The following GRIK2 variants were observed in gnomAD, a reference collection of about 807,000 sequenced individuals.
The protein encoded by GRIK2 is glutamate ionotropic receptor kainate type subunit 2.
Under a neutral mutation model 100.3 loss-of-function variants are expected in GRIK2, and 32 were observed. The observed-to-expected ratio is 0.32, with a 90% CI of 0.24 to 0.43. The LOEUF (loss-of-function observed/expected upper bound fraction) is 0.43, where lower values mean the gene tolerates loss of function less well. Among genes scored for constraint, GRIK2 ranks in the 20% least tolerant of loss-of-function variants. GRIK2 has a pLI of 1.00. For missense variants in GRIK2, 843 were observed against 1,114.9 expected (o/e 0.76, Z 3.47); for synonymous variants, 417 against 389.4 (o/e 1.07, Z -0.83).
intron 10 of GRIK2, among the ~76,000 whole-genome samples, chr6:101,819,736 C>T (rs1328037141): frequency 6.6e-6 from 1 of 152,134 alleles, no homozygotes; most frequent in Non-Finnish European, 1.5e-5. Context: ...GGGACTATTG[C>T]AGTAGCCACG....
chr6:101,580,635 C>A (rs1006606642), intron 2 of GRIK2, among the ~76,000 whole-genome samples: 7 of 152,106 alleles, frequency 4.6e-5, no homozygotes, highest in Admixed American at 3.3e-4. Flanking sequence ...AAAATCCCAA[C>A]AAGCACCTCT....
At chr6:101,835,063 C>T (rs1782978951) in intron 10 of GRIK2, among the ~76,000 whole-genome samples, 1 of 152,108 alleles carries the variant, frequency 6.6e-6, no homozygotes. Flanking sequence ...TGTCCCTTAA[C>T]TTGACTAGTG....
rs141387269 is a variant in GRIK2, at chr6:101,661,258, G to A, written c.542-15365G>A. On this transcript the variant is annotated intron_variant, in intron 4 of 16. Transcript: ENST00000369134. The stretch of plus-strand genomic sequence containing the variant: ...CTCCAGCCAGTTCAAACTTCTCAGC[G>A]GCTTTGTTTACACTGTGAGGGGAAA... 4.6e-4 allele frequency among the ~76,000 whole-genome samples: 70 copies of A among 152,204 alleles called. No homozygotes were observed. In the East Asian group the frequency reaches 0.012, roughly 27 times the overall value.
Position 101,860,880 on chromosome 6 carries a change from A to G in GRIK2, c.1524+1387A>G, listed in dbSNP as rs1784696925. Reference sequence around the variant, plus strand: ...TTTTAGGGGCTTTGGATTTATTTTTATTTCTCAGATATTAGGAGAAAGTGA... The same window carrying G: ...TTTTAGGGGCTTTGGATTTATTTTTGTTTCTCAGATATTAGGAGAAAGTGA... On this transcript the variant is annotated intron_variant, in intron 11 of 16. Transcript: ENST00000369134. 8 of 738,890 alleles carry G rather than the reference A, an allele frequency of 1.1e-5. No homozygotes were observed. In the South Asian group the frequency reaches 3.7e-4, roughly 34 times the overall value. The allele number at this position is 738,890 out of a possible 1,614,324, so 45.8% of individuals were successfully genotyped here. A position where few individuals can be genotyped will look rare whatever the true frequency, so the allele number is the denominator to read the frequency against.
intron 2 of GRIK2, among the ~76,000 whole-genome samples, chr6:101,426,710 T>C (rs1157017270): frequency 3.3e-5 from 5 of 152,198 alleles, no homozygotes; most frequent in African/African-American, 1.2e-4. Context: ...TTCTAATCTA[T>C]CCTATGCACT....
chr6:101,790,700 A>G (rs1435416370), intron 7 of GRIK2, among the ~76,000 whole-genome samples: 1 of 150,500 alleles, frequency 6.6e-6, no homozygotes, highest in Non-Finnish European at 1.5e-5. Flanking sequence ...CGGCTTTGGT[A>G]TCAGGATGAT....
intron 14 of GRIK2, among the ~76,000 whole-genome samples, chr6:101,981,435 T>A (rs1275589400): frequency 1.3e-5 from 2 of 151,830 alleles, no homozygotes; most frequent in Non-Finnish European, 2.9e-5. Flanking sequence ...ATCATCTTCA[T>A]CATTCAGCCC....
intron 4 of GRIK2, among the ~76,000 whole-genome samples, chr6:101,657,236 T>A (rs1769257322): frequency 6.6e-6 from 1 of 152,204 alleles, no homozygotes; most frequent in Admixed American, 6.5e-5. Context: ...GTACTTTGCC[T>A]TATGGTGTTC....
At chr6:101,447,295 A>G (rs1236979913) in intron 2 of GRIK2, among the ~76,000 whole-genome samples, 1 of 151,542 alleles carries the variant, frequency 6.6e-6, no homozygotes, top group African/African-American at 2.4e-5. Flanking sequence ...ACAAATTTCC[A>G]TGGGGAACCT....
At chr6:101,947,071 G>A (rs758367930) in intron 14 of GRIK2, among the ~76,000 whole-genome samples, 21 of 152,090 alleles carry the variant, frequency 1.4e-4, no homozygotes, top group Non-Finnish European at 2.6e-4. Context: ...AATAATTTAC[G>A]ATTATAATTT....
At chr6:102,018,110 G>T (rs1305577167) in intron 14 of GRIK2, among the ~76,000 whole-genome samples, 2 of 152,070 alleles carry the variant, frequency 1.3e-5, no homozygotes, top group African/African-American at 4.8e-5. Context: ...CAGACATGAG[G>T]TACTAAATGT....
At chr6:101,427,063 A>T (rs1033756171) in intron 2 of GRIK2, among the ~76,000 whole-genome samples, 1 of 152,144 alleles carries the variant, frequency 6.6e-6, no homozygotes, top group East Asian at 1.9e-4. Flanking sequence ...TAATTGTGAG[A>T]GGCCCCATGA....
At chr6:101,396,735 G>A (rs1775024786) in intron 1 of GRIK2, among the ~76,000 whole-genome samples, 1 of 152,136 alleles carries the variant, frequency 6.6e-6, no homozygotes, top group Non-Finnish European at 1.5e-5. Flanking sequence ...AATAATGAAT[G>A]CCAGGAGCGC....
At chr6:101,714,862 T>C (rs971184341) in intron 7 of GRIK2, among the ~76,000 whole-genome samples, 4 of 151,778 alleles carry the variant, frequency 2.6e-5, no homozygotes, top group African/African-American at 9.7e-5. Context: ...AACAAATTAT[T>C]ATGATATTGA....
intron 10 of GRIK2, among the ~76,000 whole-genome samples, chr6:101,836,555 T>A (rs1293700521): frequency 6.7e-6 from 1 of 150,064 alleles, no homozygotes; most frequent in Non-Finnish European, 1.5e-5. Flanking sequence ...TTTAAAAATA[T>A]GGTTATTAGC....
chr6:101,925,291 T>C (rs1041614031), intron 13 of GRIK2, among the ~76,000 whole-genome samples: 3 of 152,098 alleles, frequency 2.0e-5, no homozygotes, highest in Non-Finnish European at 2.9e-5. Context: ...AAAATACTTT[T>C]TCGTAATTAT....
At chr6:101,533,623 A>G (rs1027128891) in intron 2 of GRIK2, among the ~76,000 whole-genome samples, 21 of 151,982 alleles carry the variant, frequency 1.4e-4, no homozygotes, top group African/African-American at 4.6e-4. Flanking sequence ...CTTTTGATGT[A>G]GCTGAGATGT....
chr6:101,939,826 T>G (rs1343200478), intron 14 of GRIK2, among the ~76,000 whole-genome samples: 1 of 152,104 alleles, frequency 6.6e-6, no homozygotes, highest in Non-Finnish European at 1.5e-5. Flanking sequence ...ACTGAGGGAC[T>G]TAGGATTCCA....
intron 11 of GRIK2, among the ~76,000 whole-genome samples, chr6:101,877,175 T>C (rs1208627280): frequency 6.6e-6 from 1 of 151,932 alleles, no homozygotes; most frequent in Non-Finnish European, 1.5e-5. Context: ...GTTTATGTTT[T>C]TATACTTCAC....
Sources: gnomAD v4.1 joint callset for allele counts (sites outside exome capture counted in the v4.1 genomes callset) on GRCh38, gnomAD v4.1.1 for gene constraint, MANE v1.5 for transcripts, NCBI Gene and HGNC (gene_info 2026-07-23, HGNC 2026-07-21) for gene names.